The following TMEM127 variants were observed in gnomAD, a reference collection of about 807,000 sequenced individuals.
The protein encoded by TMEM127 is transmembrane protein 127.
TMEM127 carries 21 observed loss-of-function variants against 20.1 expected under a neutral mutation model. The observed-to-expected ratio is 1.04, with a 90% confidence interval of 0.74 to 1.50. The LOEUF (loss-of-function observed/expected upper bound fraction) is 1.50, where lower values mean the gene tolerates loss of function less well. Among genes scored for constraint, TMEM127 ranks in the 40% most tolerant of loss-of-function variants. The pLI, the probability that TMEM127 is intolerant of heterozygous loss-of-function variation, is 0.00. For missense variants in TMEM127, 303 were observed against 317.4 expected (o/e 0.95, Z 0.34); for synonymous variants, 150 against 144.7 (o/e 1.04, Z -0.26).
intron 3 of TMEM127, among the ~76,000 whole-genome samples, 177 bp from the exon 4 acceptor site, chr2:96,254,292 C>T (rs140153318): frequency 6.6e-6 from 1 of 152,304 alleles, no homozygotes; most frequent in African/African-American, 2.4e-5. Flanking sequence ...AGGTTGGGGA[C>T]AGCAGTCTGA....
intron 2 of TMEM127, among the ~76,000 whole-genome samples, chr2:96,264,165 A>G (rs574954686): frequency 6.6e-6 from 1 of 152,378 alleles, no homozygotes; most frequent in South Asian, 2.1e-4. Context: ...CTGCAGAAGC[A>G]GAGTATGGTC....
chr2:96,262,015 C>T (rs191778577), intron 2 of TMEM127, among the ~76,000 whole-genome samples: 3 of 152,266 alleles, frequency 2.0e-5, no homozygotes, highest in South Asian at 2.1e-4. Flanking sequence ...AATCTCAGCA[C>T]TTTAGGAAGC....
intron 2 of TMEM127, among the ~76,000 whole-genome samples, chr2:96,258,724 CAG>C (rs1039751270): frequency 3.2e-4 from 48 of 152,322 alleles, no homozygotes; most frequent in Admixed American, 6.5e-4. Flanking sequence ...CTCTAGGAGA[CAG>C]GGGCTATCTC....
At chr2:96,258,098 G>C (rs760341368) in intron 2 of TMEM127, among the ~76,000 whole-genome samples, 1 of 152,182 alleles carries the variant, frequency 6.6e-6, no homozygotes, top group Non-Finnish European at 1.5e-5. Context: ...GGTGTGGGGT[G>C]TGATCATCAA....
At chr2:96,254,758 C>A (rs555044642) in intron 3 of TMEM127, 75 bp downstream of exon 3, 1 of 1,590,836 alleles carries the variant, frequency 6.3e-7, no homozygotes. Context: ...AACCAGAGCC[C>A]CCACCGGCAA....
chr2:96,252,026 C>G lies in TMEM127; in HGVS notation c.*1782G>C, dbSNP rs1684102170. The G allele has an allele frequency of 4.3e-6, 1 of 233,374 alleles. No homozygotes were observed. The highest frequency in any genetic ancestry group is 1.8e-4 in the South Asian group (1 of 5,534). 14.5% of individuals were successfully genotyped at this position (233,374 alleles called of 1,614,324 possible). A position where few individuals can be genotyped will look rare whatever the true frequency, so the allele number is the denominator to read the frequency against. The stretch of plus-strand genomic sequence containing the variant: ...TCAGTTCCTTGGCTTTGTGCTCAGG[C>G]ATCACATAGCAGGCAGCCTGCAGCC... On this transcript the variant is annotated 3_prime_UTR_variant, in exon 4 of 4. Transcript: ENST00000258439. The surrounding 1 kb of genome is among the most constrained non-coding windows in gnomAD (Gnocchi z 4.2).
At position 96,261,268 on chromosome 2, in the gene TMEM127, G is replaced by A. The variant is rs996151392; in HGVS notation, c.244+3870C>T. On this transcript the variant is annotated intron_variant, in intron 2 of 3. Transcript: ENST00000258439. ...TGCAGGGGCAGTGGAGAAAACCCAGGATGAGGTCTTTTTTTTTTTTTTTTA... is the reference window on the plus strand; with the variant it reads ...TGCAGGGGCAGTGGAGAAAACCCAGAATGAGGTCTTTTTTTTTTTTTTTTA... Among the ~76,000 whole-genome samples, 5 of 152,058 alleles carry A rather than the reference G, an allele frequency of 3.3e-5. No homozygotes were observed. In the East Asian group the frequency reaches 9.7e-4, roughly 29 times the overall value.
intron 2 of TMEM127, among the ~76,000 whole-genome samples, chr2:96,263,289 C>T (rs1314902229): frequency 2.0e-5 from 3 of 151,942 alleles, no homozygotes; most frequent in Non-Finnish European, 4.4e-5. Context: ...CAACTCTTGA[C>T]CTCAGGCAAT....
intron 2 of TMEM127, among the ~76,000 whole-genome samples, chr2:96,256,553 A>G (rs13019328): frequency 0.011 from 1,718 of 151,024 alleles, 19 homozygotes; most frequent in Admixed American, 0.016. Context: ...CATGGGCAAC[A>G]AGAGAGAAAC....
chr2:96,265,611 G>A, intron 1 of TMEM127, 99 bp from the exon 2 acceptor site: 1 of 439,972 alleles, frequency 2.3e-6, no homozygotes, highest in Admixed American at 4.7e-5. Context: ...GGAGACTCCG[G>A]AATGGGACTG....
At chr2:96,265,658 G>C (rs1684406933) in intron 1 of TMEM127, 146 bp from the exon 2 acceptor site, 1 of 355,410 alleles carries the variant, frequency 2.8e-6, no homozygotes. Flanking sequence ...GGCCAGATGG[G>C]GTCTGGGCAG....
chr2:96,249,075 CTGTGTGTGTGTGTGTGGTGTGTGTGTG>C lies in TMEM127; in HGVS notation c.*4706_*4732del, dbSNP rs1684033363. 2 of 223,178 alleles carry C rather than the reference CTGTGTGTGTGTGTGTGGTGTGTGTGTG, an allele frequency of 9.0e-6. No homozygotes were observed. The allele number at this position is 223,178 out of a possible 1,614,324, so 13.8% of individuals were successfully genotyped here. ...TTCCCCAAAGCTTATGGTGAGGAAC[CTGTGTGTGTGTGTGTGGTGTGTGTGTG>C]TGTGTGTGTGTGTGTTTGAGATGGA... On this transcript the variant is annotated 3_prime_UTR_variant, in exon 4 of 4. Transcript: ENST00000258439.
chr2:96,254,178 A>T, intron 3 of TMEM127, 63 bp from the exon 4 acceptor site: 2 of 1,598,128 alleles, frequency 1.3e-6, no homozygotes, highest in Non-Finnish European at 1.7e-6. Context: ...AGGATGCTTG[A>T]GGACCCAATC....
rs978281542 is a variant in TMEM127, at chr2:96,251,274, T to C, written c.*2534A>G. ...GGTTCATGCCTATAATCCCAGCACT[T>C]TGGGAGGCCAAGGTGGGTGGATAAC... On this transcript the variant is annotated 3_prime_UTR_variant, in exon 4 of 4. Coordinates refer to ENST00000258439, the MANE Select transcript of TMEM127 (RefSeq NM_017849.4). 4 of 202,982 alleles carry C rather than the reference T, an allele frequency of 2.0e-5. No homozygotes were observed. Among genetic ancestry groups the C allele is most frequent in the Non-Finnish European group, 4.0e-5 (4 of 98,956 alleles). The allele number at this position is 202,982 out of a possible 1,614,324, so 12.6% of individuals were successfully genotyped here. A position where few individuals can be genotyped will look rare whatever the true frequency, so the allele number is the denominator to read the frequency against.
rs181802923 is a variant in TMEM127, at chr2:96,249,707, C to T, written c.*4101G>A. 1.3e-5 allele frequency: 3 copies of T among 233,162 alleles called. No homozygotes were observed. In the Admixed American group the frequency reaches 1.7e-4, roughly 13 times the overall value. The allele number at this position is 233,162 out of a possible 1,614,324, so 14.4% of individuals were successfully genotyped here. A position where few individuals can be genotyped will look rare whatever the true frequency, so the allele number is the denominator to read the frequency against. ...GGTAAGATTGCAGGCTATTTGAAAA[C>T]AGGGGCATGAAGTTTGTCAGTTCCC... On this transcript the variant is annotated 3_prime_UTR_variant, in exon 4 of 4. Coordinates refer to ENST00000258439, the MANE Select transcript of TMEM127 (RefSeq NM_017849.4).
intron 1 of TMEM127, 38 bp from the exon 2 acceptor site, chr2:96,265,550 C>T: frequency 2.3e-6 from 2 of 867,994 alleles, no homozygotes; most frequent in Non-Finnish European, 3.0e-6. Context: ...GGGGTGGGAC[C>T]CGGGGCTGAC....
Position 96,254,088 on chromosome 2 carries a change from A to G in TMEM127, c.437T>C (p.Phe146Ser). ...GATGAGTTCAGAAGCCCAATAAGAA[A>G]AGCCAATGACGGTGGCACACTGCAG... ...TVLQCATVIG[F>S]SYWASELILA... The change falls in exon 4 of 4, where the codon TTT (phenylalanine) becomes TCT (serine). Residue 146 changes from phenylalanine (F) to serine (S), a missense_variant. Physicochemically the swap from Phe to Ser is radical, Grantham distance 155 (BLOSUM62 -2). Coordinates refer to ENST00000258439, the MANE Select transcript of TMEM127 (RefSeq NM_017849.4). 1 of 1,614,182 alleles carries G rather than the reference A, an allele frequency of 6.2e-7. No homozygotes were observed. Among genetic ancestry groups the G allele is most frequent in the Non-Finnish European group, 8.5e-7 (1 of 1,180,036 alleles).
intron 2 of TMEM127, among the ~76,000 whole-genome samples, chr2:96,264,873 G>C (rs533140809): frequency 1.2e-4 from 18 of 152,130 alleles, no homozygotes; most frequent in Non-Finnish European, 2.5e-4. Flanking sequence ...ATCTTTTCTC[G>C]ATACACAGCG....
chr2:96,252,981 T>C lies in TMEM127; in HGVS notation c.*827A>G. On this transcript the variant is annotated 3_prime_UTR_variant, in exon 4 of 4. Transcript: ENST00000258439. The surrounding 1 kb of genome is among the most constrained non-coding windows in gnomAD (Gnocchi z 4.2). ...AGAGCCAAAAGGAATGGGATACATGTCTAAAAAGTGACAACAGTCTTGTCC... is the reference window on the plus strand; with the variant it reads ...AGAGCCAAAAGGAATGGGATACATGCCTAAAAAGTGACAACAGTCTTGTCC... 1 of 233,332 alleles carries C rather than the reference T, an allele frequency of 4.3e-6. No homozygotes were observed. 14.5% of individuals were successfully genotyped at this position (233,332 alleles called of 1,614,324 possible).
Sources: gnomAD v4.1 joint callset for allele counts (sites outside exome capture counted in the v4.1 genomes callset) on GRCh38, gnomAD v4.1.1 for gene constraint, Gnocchi (gnomAD v3.1) non-coding constraint, MANE v1.5 for transcripts, NCBI Gene and HGNC (gene_info 2026-07-23, HGNC 2026-07-21) for gene names.